NR3C2: variants seen among roughly 807,000 people sequenced by gnomAD.
NR3C2 encodes the protein mineralocorticoid receptor.
NR3C2 carries 15 observed loss-of-function variants against 86.4 expected under a neutral mutation model. That is an observed-to-expected ratio of 0.17 (90% CI 0.12 to 0.27). The LOEUF (loss-of-function observed/expected upper bound fraction) is 0.27, where lower values mean the gene tolerates loss of function less well. Ranked by LOEUF, NR3C2 falls within the 10% of genes least tolerant of loss-of-function variation. The probability of loss-of-function intolerance (pLI) is 1.00; values close to 1 mark genes in which losing one functional copy is unlikely to be tolerated. For missense variants in NR3C2, 960 were observed against 1,195.6 expected (o/e 0.80, Z 2.91); for synonymous variants, 458 against 450.5 (o/e 1.02, Z -0.21).
chr4:148,209,651 G>A lies in NR3C2; in HGVS notation c.1898-14789C>T, dbSNP rs765409066. 5.3e-5 allele frequency among the ~76,000 whole-genome samples: 8 copies of A among 152,140 alleles called. No individual in the cohort carries two copies. The East Asian group carries it at 1.5e-3, about 29-fold the overall frequency. ...TGCCTAACTATCATTTCAGTCACTC[G>A]TAAAAGAGAAAGACTCATTGATTTT... On this transcript the variant is annotated intron_variant, in intron 3 of 8. Transcript: ENST00000358102.
intron 2 of NR3C2, among the ~76,000 whole-genome samples, chr4:148,317,640 A>T (rs1165626160): frequency 2.6e-5 from 4 of 152,152 alleles, no homozygotes; most frequent in Non-Finnish European, 4.4e-5. Context: ...ATCTCAAAGA[A>T]GATGATGTTC....
chr4:148,186,253 G>C (rs996458000), intron 4 of NR3C2, among the ~76,000 whole-genome samples: 3 of 151,920 alleles, frequency 2.0e-5, no homozygotes, highest in Non-Finnish European at 4.4e-5. Flanking sequence ...AGAACCAATT[G>C]TATTTCTTTT....
intron 6 of NR3C2, among the ~76,000 whole-genome samples, chr4:148,121,546 T>C (rs1418896926): frequency 3.9e-5 from 6 of 152,210 alleles, no homozygotes; most frequent in Admixed American, 6.5e-5. Context: ...AAATTAAAAA[T>C]GGCAGAGTTA....
chr4:148,088,473 C>T lies in NR3C2; in HGVS notation c.2800-6974G>A, dbSNP rs563904398. Among the ~76,000 whole-genome samples, 4 of 152,298 alleles carry T rather than the reference C, an allele frequency of 2.6e-5. No individual in the cohort carries two copies. In the East Asian group the frequency reaches 7.7e-4, roughly 29 times the overall value. On this transcript the variant is annotated intron_variant, in intron 8 of 8. Coordinates refer to ENST00000358102, the MANE Select transcript of NR3C2 (RefSeq NM_000901.5). ...AAGACTTGGAACCAACCCAAATCCC[C>T]ATCAGTGATAGAATGGATAAAGAAA...
intron 2 of NR3C2, among the ~76,000 whole-genome samples, chr4:148,339,666 A>G (rs1406977285): frequency 1.3e-5 from 2 of 152,192 alleles, no homozygotes; most frequent in African/African-American, 4.8e-5. Context: ...TATAAAAGAG[A>G]GAGGAAAAAA....
intron 2 of NR3C2, among the ~76,000 whole-genome samples, chr4:148,362,996 T>C (rs967587358): frequency 2.6e-5 from 4 of 152,104 alleles, no homozygotes; most frequent in South Asian, 2.1e-4. Flanking sequence ...GGTTGAAAAG[T>C]GGTTAGATTT....
intron 2 of NR3C2, among the ~76,000 whole-genome samples, chr4:148,267,981 C>G (rs1299745832): frequency 6.7e-6 from 1 of 149,756 alleles, no homozygotes; most frequent in Non-Finnish European, 1.5e-5. Flanking sequence ...GCTCTGTCGC[C>G]CAGGCTGGAG....
intron 2 of NR3C2, among the ~76,000 whole-genome samples, chr4:148,416,605 C>G (rs1749015844): frequency 6.6e-6 from 1 of 152,216 alleles, no homozygotes; most frequent in South Asian, 2.1e-4. Flanking sequence ...TCTTTCTACT[C>G]TCCACTGGAT....
At chr4:148,165,901 T>A (rs941637377) in intron 4 of NR3C2, among the ~76,000 whole-genome samples, 2 of 152,090 alleles carry the variant, frequency 1.3e-5, no homozygotes, top group Admixed American at 1.3e-4. Context: ...AGTACTAACA[T>A]AAAAAAGGAA....
chr4:148,374,433 A>G (rs1746572981), intron 2 of NR3C2, among the ~76,000 whole-genome samples: 2 of 152,188 alleles, frequency 1.3e-5, no homozygotes, highest in African/African-American at 2.4e-5. Flanking sequence ...GAAAGACTCA[A>G]TATCCTCAAG....
chr4:148,384,286 C>G (rs1747154820), intron 2 of NR3C2, among the ~76,000 whole-genome samples: 1 of 151,854 alleles, frequency 6.6e-6, no homozygotes, highest in African/African-American at 2.4e-5. Flanking sequence ...TATGAGAATA[C>G]TTAGTAGTGA....
At chr4:148,369,071 T>C (rs778871731) in intron 2 of NR3C2, among the ~76,000 whole-genome samples, 3 of 152,198 alleles carry the variant, frequency 2.0e-5, no homozygotes, top group South Asian at 2.1e-4. Context: ...TAGGTACTTG[T>C]AGAATTCCTG....
intron 2 of NR3C2, among the ~76,000 whole-genome samples, chr4:148,367,996 A>T (rs1489131211): frequency 6.6e-6 from 1 of 151,760 alleles, no homozygotes; most frequent in East Asian, 1.9e-4. Flanking sequence ...CAACCTACCC[A>T]GGTGCACAAA....
chr4:148,085,436 G>A (rs1347011864), intron 8 of NR3C2, among the ~76,000 whole-genome samples: 1 of 152,126 alleles, frequency 6.6e-6, no homozygotes. Flanking sequence ...TAAGTTCTTT[G>A]AAACCAATGA....
intron 2 of NR3C2, among the ~76,000 whole-genome samples, chr4:148,403,829 T>C (rs1385152254): frequency 1.3e-4 from 20 of 152,074 alleles, no homozygotes; most frequent in Admixed American, 1.3e-3. Context: ...TTGGAAGTAA[T>C]ACCAAAAGTT....
At chr4:148,109,996 T>C (rs989094062) in intron 8 of NR3C2, among the ~76,000 whole-genome samples, 1 of 149,450 alleles carries the variant, frequency 6.7e-6, no homozygotes, top group African/African-American at 2.4e-5. Context: ...GAAATTGCTA[T>C]CCTTAGTAAG....
At chr4:148,102,160 C>G (rs915708894) in intron 8 of NR3C2, among the ~76,000 whole-genome samples, 1 of 152,156 alleles carries the variant, frequency 6.6e-6, no homozygotes, top group African/African-American at 2.4e-5. Flanking sequence ...CCTTTAGCAG[C>G]AGCGCTTTCC....
At chr4:148,322,156 A>T (rs1743638151) in intron 2 of NR3C2, among the ~76,000 whole-genome samples, 1 of 149,120 alleles carries the variant, frequency 6.7e-6, no homozygotes, top group South Asian at 2.1e-4. Context: ...TTGGCTGGAT[A>T]TGAAATTCTG....
At chr4:148,267,086 G>A (rs1432154779) in intron 2 of NR3C2, among the ~76,000 whole-genome samples, 4 of 152,126 alleles carry the variant, frequency 2.6e-5, no homozygotes, top group Non-Finnish European at 4.4e-5. Context: ...AGCCATATAT[G>A]TCAGGTTTAT....
Sources: allele counts gnomAD v4.1 joint callset (sites outside exome capture counted in the v4.1 genomes callset), GRCh38; gene constraint gnomAD v4.1.1; transcripts MANE v1.5; gene names NCBI Gene and HGNC (gene_info 2026-07-23, HGNC 2026-07-21).